The following MARCHF3 variants were observed in gnomAD, a reference collection of about 807,000 sequenced individuals.
MARCHF3 encodes the protein membrane associated ring-CH-type finger 3, also known as E3 ubiquitin-protein ligase MARCHF3.
MARCHF3 carries 13 observed loss-of-function variants against 24.2 expected under a neutral mutation model. That is an observed-to-expected ratio of 0.54 (90% CI 0.35 to 0.85). The LOEUF (loss-of-function observed/expected upper bound fraction) is 0.85. Ranked by LOEUF, MARCHF3 falls within the 40% of genes least tolerant of loss-of-function variation. MARCHF3 has a pLI of 0.01. For missense variants in MARCHF3, 276 were observed against 325.0 expected (o/e 0.85, Z 1.16); for synonymous variants, 144 against 137.3 (o/e 1.05, Z -0.34).
At chr5:126,906,744 C>T (rs374466516) in intron 3 of MARCHF3, among the ~76,000 whole-genome samples, 2 of 151,952 alleles carry the variant, frequency 1.3e-5, no homozygotes, top group African/African-American at 4.8e-5. Flanking sequence ...GTCTATCAAT[C>T]TTGTTGATCC....
At chr5:126,987,813 A>G (rs903959145) in intron 1 of MARCHF3, among the ~76,000 whole-genome samples, 2 of 152,042 alleles carry the variant, frequency 1.3e-5, no homozygotes, top group Admixed American at 1.3e-4. Context: ...CACTGTGGGT[A>G]CCCCTCACTC....
intron 1 of MARCHF3, 186 bp downstream of exon 1, chr5:127,030,164 T>G (rs901208341): frequency 2.0e-5 from 3 of 152,276 alleles, no homozygotes; most frequent in African/African-American, 7.2e-5. Context: ...GGAGTTGGGA[T>G]GCTTTGACAA....
intron 1 of MARCHF3, among the ~76,000 whole-genome samples, chr5:126,938,973 C>T (rs964194886): frequency 7.2e-5 from 11 of 152,194 alleles, no homozygotes; most frequent in Middle Eastern, 3.4e-3. Flanking sequence ...AAGCTTGTCC[C>T]GTCACTAAAT....
At chr5:126,981,674 C>T (rs766151171) in intron 1 of MARCHF3, among the ~76,000 whole-genome samples, 3 of 152,210 alleles carry the variant, frequency 2.0e-5, no homozygotes, top group Non-Finnish European at 4.4e-5. Flanking sequence ...CTTGTGCATG[C>T]ACAAAATTTC....
intron 3 of MARCHF3, among the ~76,000 whole-genome samples, chr5:126,880,512 G>A (rs2126768827): frequency 6.6e-6 from 1 of 152,244 alleles, no homozygotes; most frequent in East Asian, 1.9e-4. Context: ...TAATTAACAT[G>A]TTCTTGCCTG....
At chr5:126,948,060 A>G (rs1750089609) in intron 1 of MARCHF3, among the ~76,000 whole-genome samples, 1 of 152,136 alleles carries the variant, frequency 6.6e-6, no homozygotes, top group Non-Finnish European at 1.5e-5. Context: ...TACACTTCCT[A>G]CATTAATCAA....
chr5:127,025,719 T>A (rs550622092), intron 1 of MARCHF3, among the ~76,000 whole-genome samples: 1 of 152,344 alleles, frequency 6.6e-6, no homozygotes, highest in East Asian at 1.9e-4. Context: ...AAGCTGGGAA[T>A]ATCTAATATG....
intron 1 of MARCHF3, among the ~76,000 whole-genome samples, chr5:127,014,771 A>G (rs1752582184): frequency 6.6e-6 from 1 of 152,164 alleles, no homozygotes; most frequent in Non-Finnish European, 1.5e-5. Flanking sequence ...TCACAGAAGT[A>G]AAAAGCAGAA....
In MARCHF3 at chr5:126,869,996, T is replaced by TGGA. The variant is rs60112673; in HGVS notation, c.*636_*637insTCC. On this transcript the variant is annotated 3_prime_UTR_variant, in exon 5 of 5. Coordinates refer to ENST00000308660, the MANE Select transcript of MARCHF3 (RefSeq NM_178450.5). ...ATATTTAAATAAACAGCTCACTGTG[T>TGGA]GAGCTCACGCCCTTTTTCCCTTTAA... 0.084 allele frequency: 12,833 copies of TGGA among 152,626 alleles called. 1,165 individuals are homozygous for TGGA. The highest frequency in any genetic ancestry group is 0.23 in the African/African-American group (9,629 of 41,472). The allele number at this position is 152,626 out of a possible 1,614,324, so 9.5% of individuals were successfully genotyped here. A position where few individuals can be genotyped will look rare whatever the true frequency, so the allele number is the denominator to read the frequency against.
intron 1 of MARCHF3, among the ~76,000 whole-genome samples, chr5:127,011,085 C>A (rs548468557): frequency 6.6e-6 from 1 of 152,224 alleles, no homozygotes; most frequent in East Asian, 1.9e-4. Flanking sequence ...TTCCATGGAG[C>A]CTTCATACTA....
intron 3 of MARCHF3, among the ~76,000 whole-genome samples, chr5:126,910,659 T>C (rs1357737149): frequency 1.3e-5 from 2 of 152,222 alleles, no homozygotes; most frequent in Non-Finnish European, 2.9e-5. Flanking sequence ...ATCATCTTTG[T>C]AAGCTGAGGA....
intron 1 of MARCHF3, among the ~76,000 whole-genome samples, chr5:127,014,510 G>A (rs996728488): frequency 6.6e-6 from 1 of 152,138 alleles, no homozygotes; most frequent in Non-Finnish European, 1.5e-5. Context: ...GCAGCCCCAT[G>A]TTTATTACAG....
intron 3 of MARCHF3, among the ~76,000 whole-genome samples, chr5:126,903,920 G>A (rs575361610): frequency 6.1e-4 from 92 of 150,600 alleles, no homozygotes; most frequent in African/African-American, 2.1e-3. Context: ...CTACTAACTC[G>A]TCATCTAGCA....
At position 126,868,393 on chromosome 5, in the gene MARCHF3, C is replaced by G. The variant is rs972593115; in HGVS notation, c.*2240G>C. 1 of 152,256 alleles carries G rather than the reference C, an allele frequency of 6.6e-6. No homozygotes were observed. The highest frequency in any genetic ancestry group is 1.5e-5 in the Non-Finnish European group (1 of 68,068). 9.4% of individuals were successfully genotyped at this position (152,256 alleles called of 1,614,324 possible). A position where few individuals can be genotyped will look rare whatever the true frequency, so the allele number is the denominator to read the frequency against. Reference sequence around the variant, plus strand: ...GTCCTTTCACCACCCCACACACAATCTACTCCTTGCATCTTGGACTCTGTT... The same window carrying G: ...GTCCTTTCACCACCCCACACACAATGTACTCCTTGCATCTTGGACTCTGTT... On this transcript the variant is annotated 3_prime_UTR_variant, in exon 5 of 5. Coordinates refer to ENST00000308660, the MANE Select transcript of MARCHF3 (RefSeq NM_178450.5).
intron 3 of MARCHF3, among the ~76,000 whole-genome samples, chr5:126,887,957 A>G (rs1753556867): frequency 6.6e-6 from 1 of 152,256 alleles, no homozygotes; most frequent in East Asian, 1.9e-4. Context: ...TTACTTGTTC[A>G]TTCTGTTCCT....
At chr5:126,952,167 TG>T (rs1281437245) in intron 1 of MARCHF3, among the ~76,000 whole-genome samples, 1 of 152,142 alleles carries the variant, frequency 6.6e-6, no homozygotes, top group African/African-American at 2.4e-5. Flanking sequence ...TTTTGAGTTT[TG>T]GTACAACTGT....
At chr5:126,927,051 A>C (rs1388326306) in intron 1 of MARCHF3, among the ~76,000 whole-genome samples, 1 of 152,148 alleles carries the variant, frequency 6.6e-6, no homozygotes, top group Non-Finnish European at 1.5e-5. Flanking sequence ...ACAGGTAAAA[A>C]AAATCACAGG....
At chr5:127,029,590 C>T (rs1018171274) in intron 1 of MARCHF3, among the ~76,000 whole-genome samples, 1 of 152,154 alleles carries the variant, frequency 6.6e-6, no homozygotes, top group Admixed American at 6.5e-5. Flanking sequence ...CCTGACTCAA[C>T]TTCATCACTT....
intron 3 of MARCHF3, among the ~76,000 whole-genome samples, chr5:126,898,629 A>G (rs76210504): frequency 0.02 from 3,105 of 152,184 alleles, 80 homozygotes; most frequent in South Asian, 0.11. Context: ...AGGATGGTGC[A>G]TATTTTCCCT....
Sources: allele counts gnomAD v4.1 joint callset (sites outside exome capture counted in the v4.1 genomes callset), GRCh38; gene constraint gnomAD v4.1.1; transcripts MANE v1.5; gene names NCBI Gene and HGNC (gene_info 2026-07-23, HGNC 2026-07-21).